TRMT5: variants seen among roughly 807,000 people sequenced by gnomAD.
TRMT5 encodes the protein tRNA methyltransferase 5.
TRMT5 carries 31 observed loss-of-function variants against 42.2 expected under a neutral mutation model. That is an observed-to-expected ratio of 0.73 (90% CI 0.55 to 0.99). TRMT5 has a LOEUF of 0.99. TRMT5 is among the 50% of genes least tolerant of loss of function. The pLI is 0.00. For synonymous variants in TRMT5, 198 were observed against 209.6 expected (o/e 0.94, Z 0.48); for missense variants, 568 against 595.0 (o/e 0.95, Z 0.47).
intron 1 of TRMT5, 116 bp downstream of exon 1, chr14:60,980,847 G>A: frequency 1.3e-6 from 2 of 1,491,926 alleles, no homozygotes; most frequent in Non-Finnish European, 9.3e-7. Context: ...TCAGCACCTA[G>A]GCGGGTGGGT....
rs2139636110 is a variant in TRMT5 at position 60,972,062 on chromosome 14, G to C, written c.*3047C>G. ...AAGATGTTTTCCCCGTATCAATCCA[G>C]CTTCAGAGATATTCTATTAGTGACA... On this transcript the variant is annotated 3_prime_UTR_variant, in exon 5 of 5. Transcript: ENST00000261249. 3.4e-6 allele frequency: 1 copy of C among 291,756 alleles called. No individual in the cohort carries two copies. Among genetic ancestry groups the C allele is most frequent in the African/African-American group, 2.2e-5 (1 of 44,722 alleles). The allele number at this position is 291,756 out of a possible 1,614,324, so 18.1% of individuals were successfully genotyped here.
intron 4 of TRMT5, 117 bp downstream of exon 4, chr14:60,975,354 GAACT>G (rs1379346477): frequency 2.2e-6 from 3 of 1,380,084 alleles, no homozygotes; most frequent in South Asian, 2.8e-5. Flanking sequence ...CTATTAGACT[GAACT>G]AACACAGTAG....
intron 1 of TRMT5, 67 bp downstream of exon 1, chr14:60,980,896 G>C (rs1004945665): frequency 6.2e-7 from 1 of 1,609,636 alleles, no homozygotes; most frequent in African/African-American, 1.3e-5. Flanking sequence ...GCACATGGCA[G>C]AGAGCAGCCC....
At chr14:60,977,669 G>A in intron 2 of TRMT5, 31 bp from the exon 3 acceptor site, 2 of 1,547,558 alleles carry the variant, frequency 1.3e-6, no homozygotes, top group African/African-American at 1.4e-5. Context: ...CCATAATACT[G>A]CCTATTGGTT....
Position 60,975,582 on chromosome 14 carries a change from C to T in TRMT5, c.1337G>A (p.Cys446Tyr), listed in dbSNP as rs1386273172. Residue 446 changes from cysteine (C) to tyrosine (Y), a missense_variant, in exon 4 of 5, where the codon TGC (cysteine) becomes TAC (tyrosine). By Grantham distance (194) the Cys-to-Tyr change is radical. Transcript: ENST00000261249. ...ATTTCTTACCAGGTGAACTGAACTG[C>T]ATGCCTCCAGAGAAATGCCTAACAC... ...GAVLGISLEA[C>Y]SSVHLVRNVA... 98 of 1,614,088 alleles carry T rather than the reference C, an allele frequency of 6.1e-5. No homozygotes were observed. Among genetic ancestry groups the T allele is most frequent in the Non-Finnish European group, 8.0e-5 (94 of 1,180,044 alleles).
rs1313109510 is a variant in TRMT5, at chr14:60,979,694, T to C, written c.204A>G (p.Arg68=). 1.2e-6 allele frequency: 2 copies of C among 1,614,054 alleles called. No individual in the cohort carries two copies. Among genetic ancestry groups the C allele is most frequent in the Non-Finnish European group, 1.7e-6 (2 of 1,180,038 alleles). ...STMPETETHE[R]ETELFSPPSD... is the part of the protein sequence containing the mutation. ...AAGGTGGTGAAAACAATTCAGTCTC[T>C]CTCTCATGTGTTTCTGTTTCTGGCA... Residue 68 remains arginine (R), a synonymous_variant, in exon 2 of 5, where the codon AGA becomes AGG. Transcript: ENST00000261249.
At position 60,975,264 on chromosome 14, in the gene TRMT5, C is replaced by T. The variant is rs1022783481; in HGVS notation, c.1445-70G>A. 4 of 1,394,934 alleles carry T rather than the reference C, an allele frequency of 2.9e-6. No individual in the cohort carries two copies. In the African/African-American group the frequency reaches 5.8e-5, roughly 20 times the overall value. 86.4% of individuals were successfully genotyped at this position (1,394,934 alleles called of 1,614,324 possible). A position where few individuals can be genotyped will look rare whatever the true frequency, so the allele number is the denominator to read the frequency against. On this transcript the variant is annotated intron_variant, in intron 4 of 4. Transcript: ENST00000261249. ...TTGAAAATACTCTTAAAAAAACAAA[C>T]AATATAGGCATTTTTAATCTAGTCA...
Position 60,979,792 on chromosome 14 carries a change from T to G in TRMT5, c.106A>C (p.Thr36Pro), listed in dbSNP as rs568419520. ...TCCAAAAGCATCTGTGTCAGGGATGTCCAAGCTACTGGAATCAACGATTTT... is the reference window on the plus strand; with the variant it reads ...TCCAAAAGCATCTGTGTCAGGGATGGCCAAGCTACTGGAATCAACGATTTT... Reference protein sequence around the residue: ...ESKSLIPVAWTSLTQMLLEAP... With the variant: ...ESKSLIPVAWPSLTQMLLEAP... The change falls in exon 2 of 5, where the codon ACA (threonine) becomes CCA (proline). Residue 36 changes from threonine (T) to proline (P), a missense_variant. Physicochemically the swap from Thr to Pro is conservative, Grantham distance 38. Transcript: ENST00000261249. The G allele has an allele frequency of 6.2e-7, 1 of 1,613,902 alleles. No homozygotes were observed. The highest frequency in any genetic ancestry group is 1.1e-5 in the South Asian group (1 of 91,076).
rs1290970143 is a variant in TRMT5, at chr14:60,971,441, T to C, written c.*3668A>G. The C allele has an allele frequency of 6.7e-6, 1 of 150,340 alleles. No individual in the cohort carries two copies. Among genetic ancestry groups the C allele is most frequent in the African/African-American group, 2.4e-5 (1 of 40,952 alleles). 9.3% of individuals were successfully genotyped at this position (150,340 alleles called of 1,614,324 possible). A position where few individuals can be genotyped will look rare whatever the true frequency, so the allele number is the denominator to read the frequency against. The stretch of plus-strand genomic sequence containing the variant: ...AACAAGCTAAAACAAATTGCCACAC[T>C]TTTTTTTTTCTTTCAAACTGTATCC... On this transcript the variant is annotated 3_prime_UTR_variant, in exon 5 of 5. Transcript: ENST00000261249.
chr14:60,974,971 T>A lies in TRMT5; in HGVS notation c.*138A>T. 4.0e-6 allele frequency: 2 copies of A among 499,762 alleles called. No homozygotes were observed. Among genetic ancestry groups the A allele is most frequent in the Non-Finnish European group, 6.9e-6 (2 of 288,570 alleles). The allele number at this position is 499,762 out of a possible 1,614,324, so 31.0% of individuals were successfully genotyped here. ...AGCCTTAGTTCAGTTAAAGTTTAAT[T>A]GGTAATCCTCAATTTGTAAAATAAG... On this transcript the variant is annotated 3_prime_UTR_variant, in exon 5 of 5. Transcript: ENST00000261249.
Position 60,972,165 on chromosome 14 carries a change from CTG to C in TRMT5, c.*2942_*2943del. 1 of 416,186 alleles carries C rather than the reference CTG, an allele frequency of 2.4e-6. No homozygotes were observed. Among genetic ancestry groups the C allele is most frequent in the African/African-American group, 2.1e-5 (1 of 47,998 alleles). The allele number at this position is 416,186 out of a possible 1,614,324, so 25.8% of individuals were successfully genotyped here. A position where few individuals can be genotyped will look rare whatever the true frequency, so the allele number is the denominator to read the frequency against. ...AGCTTAAAAAAAGTAAAACAAAATTCTGCATTTTTATAAAACTTGATAAAGAA... is the reference window on the plus strand; with the variant it reads ...AGCTTAAAAAAAGTAAAACAAAATTCCATTTTTATAAAACTTGATAAAGAA... On this transcript the variant is annotated 3_prime_UTR_variant, in exon 5 of 5. Coordinates refer to ENST00000261249, the MANE Select transcript of TRMT5 (RefSeq NM_020810.3).
Position 60,981,039 on chromosome 14 carries a change from C to T in TRMT5, c.-66G>A. On this transcript the variant is annotated 5_prime_UTR_variant, in exon 1 of 5. Transcript: ENST00000261249. ...GACCCCTCACCTCCCGCTCCGGTAC[C>T]GATCGGATGTGGGTCGCGGGTGGAT... is the stretch of plus-strand genomic sequence containing the variant. The T allele has an allele frequency of 1.2e-6, 2 of 1,609,838 alleles. No individual in the cohort carries two copies. Among genetic ancestry groups the T allele is most frequent in the Non-Finnish European group, 8.5e-7 (1 of 1,179,988 alleles).
At chr14:60,980,771 C>G (rs1170696986) in intron 1 of TRMT5, 192 bp downstream of exon 1, 1 of 808,486 alleles carries the variant, frequency 1.2e-6, no homozygotes, top group Non-Finnish European at 1.9e-6. Flanking sequence ...CTCGGTTTTC[C>G]CACCAGTAAA....
rs766088260 is a variant in TRMT5 at position 60,980,956 on chromosome 14, AC to A, written c.11+6del. The A allele has an allele frequency of 1.2e-6, 2 of 1,612,430 alleles. No individual in the cohort carries two copies. Among genetic ancestry groups the A allele is most frequent in the Admixed American group, 3.3e-5 (2 of 60,008 alleles). ...ACCATTAGCCCCTAACGCGGCCGCC[AC>A]CTCACCAAAGCACCATTCCAATTCC... On this transcript the variant is annotated splice_donor_region_variant and intron_variant, in intron 1 of 4. Transcript: ENST00000261249.
Position 60,979,148 on chromosome 14 carries a change from A to C in TRMT5, c.667+83T>G, listed in dbSNP as rs1017412674. The C allele has an allele frequency of 8.0e-6, 10 of 1,257,650 alleles. No homozygotes were observed. The African/African-American group carries it at 1.5e-4, about 19-fold the overall frequency. 77.9% of individuals were successfully genotyped at this position (1,257,650 alleles called of 1,614,324 possible). A position where few individuals can be genotyped will look rare whatever the true frequency, so the allele number is the denominator to read the frequency against. On this transcript the variant is annotated intron_variant, in intron 2 of 4. Transcript: ENST00000261249. ...AAATGTTCTGCCTCTGTAACTTGGC[A>C]TTAAAAAAAATAATTTTTAAAGCTA... is the stretch of plus-strand genomic sequence containing the variant.
At chr14:60,977,414 CA>C (rs2036861902) in intron 3 of TRMT5, 99 bp downstream of exon 3, 26 of 1,237,848 alleles carry the variant, frequency 2.1e-5, no homozygotes, top group Admixed American at 4.8e-5. Context: ...CTCACATACT[CA>C]CCAACACTGG....
chr14:60,972,158 CAAAATT>C lies in TRMT5; in HGVS notation c.*2945_*2950del. On this transcript the variant is annotated 3_prime_UTR_variant, in exon 5 of 5. Coordinates refer to ENST00000261249, the MANE Select transcript of TRMT5 (RefSeq NM_020810.3). ...ACAACATAGCTTAAAAAAAGTAAAA[CAAAATT>C]CTGCATTTTTATAAAACTTGATAAA... is the stretch of plus-strand genomic sequence containing the variant. 1 of 404,594 alleles carries C rather than the reference CAAAATT, an allele frequency of 2.5e-6. No homozygotes were observed. The highest frequency in any genetic ancestry group is 2.1e-5 in the African/African-American group (1 of 47,752). The allele number at this position is 404,594 out of a possible 1,614,324, so 25.1% of individuals were successfully genotyped here. A position where few individuals can be genotyped will look rare whatever the true frequency, so the allele number is the denominator to read the frequency against.
In TRMT5 at chr14:60,979,889, TAA is replaced by T. The variant is rs369134720; in HGVS notation, c.12-5_12-4del. 2.7e-3 allele frequency: 3,625 copies of T among 1,340,242 alleles called. No homozygotes were observed. Among genetic ancestry groups the T allele is most frequent in the Admixed American group, 7.0e-3 (273 of 38,814 alleles). The allele number at this position is 1,340,242 out of a possible 1,614,324, so 83.0% of individuals were successfully genotyped here. ...ATCCAAATGGCCTCCATAAGATCCTTAAAAAAAAAAAAAAAAAATTCACACAC... is the reference window on the plus strand; with the variant it reads ...ATCCAAATGGCCTCCATAAGATCCTTAAAAAAAAAAAAAAAATTCACACAC... On this transcript the variant is annotated splice_region_variant and splice_polypyrimidine_tract_variant and intron_variant, in intron 1 of 4. Transcript: ENST00000261249.
chr14:60,980,944 A>C lies in TRMT5; in HGVS notation c.11+19T>G, dbSNP rs35851133. On this transcript the variant is annotated intron_variant, in intron 1 of 4. Coordinates refer to ENST00000261249, the MANE Select transcript of TRMT5 (RefSeq NM_020810.3). ...TACCTCCCCTGGACCATTAGCCCCTAACGCGGCCGCCACCTCACCAAAGCA... is the reference window on the plus strand; with the variant it reads ...TACCTCCCCTGGACCATTAGCCCCTCACGCGGCCGCCACCTCACCAAAGCA... The C allele has an allele frequency of 0.037, 59,035 of 1,612,580 alleles. 1,275 individuals are homozygous for C. Among genetic ancestry groups the C allele is most frequent in the Non-Finnish European group, 0.044 (51,391 of 1,179,988 alleles).
Sources: allele counts gnomAD v4.1 joint callset, GRCh38; gene constraint gnomAD v4.1.1; transcripts MANE v1.5; gene names NCBI Gene and HGNC (gene_info 2026-07-23, HGNC 2026-07-21).